Variants in SLC25A29 observed in about 807,000 individuals in gnomAD.
The protein encoded by SLC25A29 is mitochondrial basic amino acids transporter.
SLC25A29 carries 13 observed loss-of-function variants against 10.0 expected under a neutral mutation model. The ratio of observed to expected loss-of-function variants is 1.30; its 90% CI spans 0.85 to 2.07. SLC25A29 has a LOEUF of 2.07. Among genes scored for constraint, SLC25A29 ranks in the 30% most tolerant of loss-of-function variants. The probability of loss-of-function intolerance (pLI) is 0.00; values close to 1 mark genes in which losing one functional copy is unlikely to be tolerated. For synonymous variants in SLC25A29, 244 were observed against 221.1 expected (o/e 1.10, Z -0.92); for missense variants, 475 against 447.6 (o/e 1.06, Z -0.55).
In SLC25A29 at chr14:100,291,933, G is replaced by A; in HGVS notation, c.*350C>T. On this transcript the variant is annotated 3_prime_UTR_variant, in exon 4 of 4. Transcript: ENST00000359232. ...CCGGGAGCCAGCCTGCAGGGCAGGAGCACAATGACGTGGCCAGGATCCCAG... is the reference window on the plus strand; with the variant it reads ...CCGGGAGCCAGCCTGCAGGGCAGGAACACAATGACGTGGCCAGGATCCCAG... The A allele has an allele frequency of 3.0e-6, 1 of 332,760 alleles. No individual in the cohort carries two copies. Among genetic ancestry groups the A allele is most frequent in the South Asian group, 2.6e-5 (1 of 38,538 alleles). 20.6% of individuals were successfully genotyped at this position (332,760 alleles called of 1,614,324 possible).
At chr14:100,296,451 C>T (rs1892156347) in intron 2 of SLC25A29, 1 of 177,008 alleles carries the variant, frequency 5.6e-6, no homozygotes. Flanking sequence ...GGAAGTTAGG[C>T]CAGTGGAAGC....
chr14:100,305,637 C>G (rs1421594709), intron 1 of SLC25A29: 2 of 151,502 alleles, frequency 1.3e-5, no homozygotes, highest in Non-Finnish European at 2.9e-5. Context: ...CCCACCACCC[C>G]CCTTCCGCCC....
chr14:100,278,875 C>G, the SLC25A29 span: 9 of 152,276 alleles, frequency 5.9e-5, no homozygotes, highest in East Asian at 1.7e-3. Flanking sequence ...AGCCGGCTGC[C>G]TTCAGAGGCA....
chr14:100,301,024 C>T (rs1050061828), intron 1 of SLC25A29, among the ~76,000 whole-genome samples: 2 of 152,050 alleles, frequency 1.3e-5, no homozygotes, highest in Admixed American at 6.6e-5. Context: ...CTCAGCCTCC[C>T]GAGTAGCTGG....
intron 2 of SLC25A29, among the ~76,000 whole-genome samples, chr14:100,297,617 G>T (rs10134767): frequency 0.28 from 43,151 of 152,124 alleles, 6,636 homozygotes; most frequent in Middle Eastern, 0.37. Context: ...GCTAGGCAGC[G>T]CGTGGGCATG....
rs747898741 is a variant in SLC25A29, at chr14:100,292,930, G to A, written c.265C>T (p.His89Tyr). 12 of 1,607,452 alleles carry A rather than the reference G, an allele frequency of 7.5e-6. No homozygotes were observed. Among genetic ancestry groups the A allele is most frequent in the Non-Finnish European group, 8.5e-6 (10 of 1,177,968 alleles). ...AGGAACTGGTTGAGGGGCGAGTCGT[G>A]GCCCAGGGCCCGGAGGGTGTTGCCC... ...VQGNTLRALG[H>Y]DSPLNQFLAG... The change falls in exon 4 of 4, where the codon CAC (histidine) becomes TAC (tyrosine). Residue 89 changes from histidine to tyrosine, a missense_variant. Transcript: ENST00000359232.
intron 2 of SLC25A29, among the ~76,000 whole-genome samples, chr14:100,296,789 A>G (rs1425268101): frequency 6.6e-6 from 1 of 152,080 alleles, no homozygotes; most frequent in East Asian, 1.9e-4. Flanking sequence ...TAGTAGAGAC[A>G]GAGTTTCACC....
the SLC25A29 span, among the ~76,000 whole-genome samples, chr14:100,284,536 T>C: frequency 6.6e-6 from 1 of 152,346 alleles, no homozygotes; most frequent in African/African-American, 2.4e-5. Context: ...CCTGGCTTTA[T>C]CTCATTTTTC....
chr14:100,292,251 A>G lies in SLC25A29; in HGVS notation c.*32T>C. 1 of 1,531,392 alleles carries G rather than the reference A, an allele frequency of 6.5e-7. No homozygotes were observed. The allele number at this position is 1,531,392 out of a possible 1,614,324, so 94.9% of individuals were successfully genotyped here. ...CAATTTATGTCCCAGGTTTCTGAGAAGGAGCCCTGGGGAAGGAGGGCGGGG... is the reference window on the plus strand; with the variant it reads ...CAATTTATGTCCCAGGTTTCTGAGAGGGAGCCCTGGGGAAGGAGGGCGGGG... On this transcript the variant is annotated 3_prime_UTR_variant, in exon 4 of 4. Transcript: ENST00000359232.
Position 100,292,698 on chromosome 14 carries a change from C to T in SLC25A29, c.497G>A (p.Gly166Asp). 1 of 1,602,964 alleles carries T rather than the reference C, an allele frequency of 6.2e-7. No individual in the cohort carries two copies. Among genetic ancestry groups the T allele is most frequent in the Non-Finnish European group, 8.5e-7 (1 of 1,176,048 alleles). Reference sequence around the variant, plus strand: ...AGCGTCATAGGTGAGGAAGTAGACGCCGAAGCTGGGCGTCTCACGCAGCAA... The same window carrying T: ...AGCGTCATAGGTGAGGAAGTAGACGTCGAAGCTGGGCGTCTCACGCAGCAA... ...STLLRETPSF[G>D]VYFLTYDALT... Residue 166 changes from glycine (G) to aspartate (D), a missense_variant, in exon 4 of 4, where the codon GGC becomes GAC. Physicochemically the swap from Gly to Asp is moderately conservative, Grantham distance 94 (BLOSUM62 -1). Coordinates refer to ENST00000359232, the MANE Select transcript of SLC25A29 (RefSeq NM_001039355.3).
At chr14:100,290,314 A>G (rs1328120722), downstream of SLC25A29, among the ~76,000 whole-genome samples, 1 of 152,238 alleles carries the variant, frequency 6.6e-6, no homozygotes, top group Non-Finnish European at 1.5e-5. Flanking sequence ...GCCCATGGCC[A>G]GGGTGTTTCC....
chr14:100,301,706 T>C (rs1254435756), intron 1 of SLC25A29, among the ~76,000 whole-genome samples: 1 of 150,712 alleles, frequency 6.6e-6, no homozygotes, highest in Non-Finnish European at 1.5e-5. Flanking sequence ...AGACGGGGTT[T>C]CACCTTTGTT....
chr14:100,303,317 C>G (rs1458035955), intron 1 of SLC25A29, among the ~76,000 whole-genome samples: 1 of 152,260 alleles, frequency 6.6e-6, no homozygotes, highest in Non-Finnish European at 1.5e-5. Context: ...GAGGCCCCTC[C>G]ATGTCCCTTG....
chr14:100,289,222 T>G (rs1001706200), downstream of SLC25A29, among the ~76,000 whole-genome samples: 1 of 152,174 alleles, frequency 6.6e-6, no homozygotes, highest in Non-Finnish European at 1.5e-5. Flanking sequence ...TTGGCTATTG[T>G]TTAGCCACAG....
At chr14:100,291,024 C>G (rs546870002), downstream of SLC25A29, 1 of 152,426 alleles carries the variant, frequency 6.6e-6, no homozygotes, top group East Asian at 1.9e-4. Context: ...GGTCCAAGGG[C>G]ACACGCACCC....
chr14:100,296,473 A>G, intron 2 of SLC25A29: 1 of 172,898 alleles, frequency 5.8e-6, no homozygotes, highest in Non-Finnish European at 1.3e-5. Context: ...TCAGAAGGGG[A>G]GGGAGGAGTT....
Position 100,306,324 on chromosome 14 carries a change from G to A in SLC25A29, c.-92C>T, listed in dbSNP as rs1258891076. The stretch of plus-strand genomic sequence containing the variant: ...CGCCGTCGGGGTCCCCGAGCGCGCG[G>A]TGCCGGGGCTGGGCCTGGCCGCTCC... On this transcript the variant is annotated 5_prime_UTR_variant, in exon 1 of 4. Transcript: ENST00000359232. The A allele has an allele frequency of 8.1e-6, 10 of 1,238,030 alleles. No individual in the cohort carries two copies. The highest frequency in any genetic ancestry group is 1.0e-5 in the Non-Finnish European group (10 of 979,104). The allele number at this position is 1,238,030 out of a possible 1,614,324, so 76.7% of individuals were successfully genotyped here. A position where few individuals can be genotyped will look rare whatever the true frequency, so the allele number is the denominator to read the frequency against.
chr14:100,287,350 C>T (rs910745663), downstream of SLC25A29, among the ~76,000 whole-genome samples: 19 of 152,248 alleles, frequency 1.2e-4, no homozygotes, highest in Admixed American at 5.9e-4. Flanking sequence ...GACCTGAGCA[C>T]CAGCCCTCAC....
Position 100,292,740 on chromosome 14 carries a change from C to G in SLC25A29, c.455G>C (p.Arg152Pro). Residue 152 changes from arginine to proline, a missense_variant, in exon 4 of 4, where the codon CGG (arginine) becomes CCG (proline). Physicochemically the swap from Arg to Pro is moderately radical, Grantham distance 103. Transcript: ENST00000359232. ...ACGCAGCAACGTGGACACCATGCCC[C>G]GGTTGACGCCACGCAGACCCTCGTG... ...YGHEGLRGVN[R>P]GMVSTLLRET... The G allele has an allele frequency of 3.1e-6, 5 of 1,602,344 alleles. No homozygotes were observed. Among genetic ancestry groups the G allele is most frequent in the Non-Finnish European group, 3.4e-6 (4 of 1,175,650 alleles).
Sources: allele counts gnomAD v4.1 joint callset (sites outside exome capture counted in the v4.1 genomes callset), GRCh38; gene constraint gnomAD v4.1.1; transcripts MANE v1.5; gene names NCBI Gene and HGNC (gene_info 2026-07-23, HGNC 2026-07-21).